The following NLK variants were observed in gnomAD, a reference collection of about 807,000 sequenced individuals.
NLK encodes the protein nemo like kinase, also known as serine/threonine-protein kinase NLK.
NLK carries 11 observed loss-of-function variants against 59.0 expected under a neutral mutation model. That is an observed-to-expected ratio of 0.19 (90% CI 0.12 to 0.31). The LOEUF is 0.31. Among genes scored for constraint, NLK ranks in the 10% least tolerant of loss-of-function variants. The pLI is 1.00. For missense variants in NLK, 410 were observed against 661.1 expected (o/e 0.62, Z 4.16); for synonymous variants, 235 against 235.9 (o/e 1.00, Z 0.03).
intron 1 of NLK, among the ~76,000 whole-genome samples, chr17:28,062,370 A>G (rs759564272): frequency 1.3e-5 from 2 of 152,152 alleles, no homozygotes; most frequent in African/African-American, 2.4e-5. Flanking sequence ...AACTTCATAT[A>G]ACACTTAGGA....
rs192613005 is a variant in NLK, at chr17:28,110,817, G to A, written c.459-11786G>A. ...TATTTTTCTTTAATTTGTTAAACAA[G>A]TCTCCTTTAATTCTTTTTTTTGTTT... On this transcript the variant is annotated intron_variant, in intron 1 of 10. Transcript: ENST00000407008. Among the ~76,000 whole-genome samples, 18 of 151,906 alleles carry A rather than the reference G, an allele frequency of 1.2e-4. No homozygotes were observed. The East Asian group carries it at 3.5e-3, about 29-fold the overall frequency.
At chr17:28,148,454 A>G (rs1907347853) in intron 3 of NLK, among the ~76,000 whole-genome samples, 1 of 152,234 alleles carries the variant, frequency 6.6e-6, no homozygotes, top group African/African-American at 2.4e-5. Context: ...TAATTTGACT[A>G]AAGAAGGGTA....
At position 28,042,913 on chromosome 17, in the gene NLK, G is replaced by A; in HGVS notation, c.40G>A (p.Ala14Thr). ...CGARANAKMMAAYNGGTSAAA... is the reference protein window; with the variant it reads ...CGARANAKMMTAYNGGTSAAA... ...CGCAAGAGCCAACGCAAAAATGATGGCGGCTTACAATGGCGGTACATCTGC... is the reference window on the plus strand; with the variant it reads ...CGCAAGAGCCAACGCAAAAATGATGACGGCTTACAATGGCGGTACATCTGC... Residue 14 changes from alanine to threonine, a missense_variant, in exon 1 of 11, where the codon GCG becomes ACG. Coordinates refer to ENST00000407008, the MANE Select transcript of NLK (RefSeq NM_016231.5). The A allele has an allele frequency of 6.5e-7, 1 of 1,535,722 alleles. No homozygotes were observed. The highest frequency in any genetic ancestry group is 8.8e-7 in the Non-Finnish European group (1 of 1,138,396).
At chr17:28,115,270 A>T (rs969236314) in intron 1 of NLK, among the ~76,000 whole-genome samples, 3 of 152,216 alleles carry the variant, frequency 2.0e-5, no homozygotes, top group African/African-American at 7.2e-5. Context: ...TCTCTACAAC[A>T]TTCTGTTGGC....
At chr17:28,198,239 T>A (rs1312198125), downstream of NLK, among the ~76,000 whole-genome samples, 1 of 151,994 alleles carries the variant, frequency 6.6e-6, no homozygotes, top group African/African-American at 2.4e-5. Flanking sequence ...GAGGCTCAAG[T>A]GAGCCTCCCA....
chr17:28,066,804 G>C lies in NLK; in HGVS notation c.458+23473G>C, dbSNP rs111528639. Among the ~76,000 whole-genome samples, 418 of 152,240 alleles carry C rather than the reference G, an allele frequency of 2.7e-3. 4 individuals are homozygous for C. Among genetic ancestry groups the C allele is most frequent in the African/African-American group, 9.3e-3 (386 of 41,546 alleles). On this transcript the variant is annotated intron_variant, in intron 1 of 10. Coordinates refer to ENST00000407008, the MANE Select transcript of NLK (RefSeq NM_016231.5). ...CTTCCTAATTTTAGCCATTTTAATAGGTATGTAATACTGTTTATAGTGGTT... is the reference window on the plus strand; with the variant it reads ...CTTCCTAATTTTAGCCATTTTAATACGTATGTAATACTGTTTATAGTGGTT...
intron 7 of NLK, among the ~76,000 whole-genome samples, chr17:28,176,012 C>T (rs1372943707): frequency 2.6e-5 from 4 of 152,068 alleles, no homozygotes; most frequent in East Asian, 3.9e-4. Context: ...AGGATCTTTA[C>T]GAAAATCCAT....
At chr17:28,188,064 G>A (rs961671438) in intron 8 of NLK, among the ~76,000 whole-genome samples, 47 of 152,116 alleles carry the variant, frequency 3.1e-4, no homozygotes, top group African/African-American at 8.5e-4. Flanking sequence ...TTAGCTGGGC[G>A]TGGTAGCACA....
intron 1 of NLK, among the ~76,000 whole-genome samples, chr17:28,115,257 C>T (rs945746001): frequency 5.3e-5 from 8 of 152,240 alleles, no homozygotes; most frequent in Non-Finnish European, 1.0e-4. Flanking sequence ...CCCTTGCAGT[C>T]TCTCTCTACA....
At chr17:28,162,486 A>C (rs1908048812) in intron 4 of NLK, among the ~76,000 whole-genome samples, 1 of 151,854 alleles carries the variant, frequency 6.6e-6, no homozygotes, top group Non-Finnish European at 1.5e-5. Flanking sequence ...AAAATACAAA[A>C]CTTAGCTGGG....
At chr17:28,141,984 A>T (rs934444966) in intron 3 of NLK, among the ~76,000 whole-genome samples, 1 of 152,210 alleles carries the variant, frequency 6.6e-6, no homozygotes, top group Non-Finnish European at 1.5e-5. Context: ...AAGATTAATC[A>T]CCAGTCTCTG....
downstream of NLK, among the ~76,000 whole-genome samples, chr17:28,197,706 A>G (rs891184764): frequency 2.0e-5 from 3 of 151,980 alleles, no homozygotes; most frequent in Admixed American, 2.0e-4. Flanking sequence ...TCTTACGATG[A>G]CTCATAAGGC....
chr17:28,112,549 G>A (rs1597688223), intron 1 of NLK, among the ~76,000 whole-genome samples: 2 of 152,246 alleles, frequency 1.3e-5, no homozygotes, highest in East Asian at 3.9e-4. Context: ...GTCCCAAAAT[G>A]GCTGTTTTTG....
intron 1 of NLK, among the ~76,000 whole-genome samples, chr17:28,099,094 A>G (rs1299486226): frequency 6.6e-6 from 1 of 152,096 alleles, no homozygotes; most frequent in Non-Finnish European, 1.5e-5. Context: ...GGTTTCGATA[A>G]TACAACGCCA....
intron 1 of NLK, among the ~76,000 whole-genome samples, chr17:28,043,886 C>T (rs35831071): frequency 0.01 from 1,579 of 152,246 alleles, 31 homozygotes; most frequent in African/African-American, 0.036. Flanking sequence ...AACCATAAAG[C>T]TACAGTTGAG....
In NLK at chr17:28,161,260, T is replaced by G; in HGVS notation, c.745T>G (p.Leu249Val). 6.3e-7 allele frequency: 1 copy of G among 1,593,288 alleles called. No homozygotes were observed. Among genetic ancestry groups the G allele is most frequent in the African/African-American group, 1.3e-5 (1 of 74,654 alleles). ...DHVKVFLYQILRGLKYLHSAG... is the reference protein window; with the variant it reads ...DHVKVFLYQIVRGLKYLHSAG... ...TGTCAAAGTTTTTCTTTATCAGATTTTGCGAGGTAAGATTTCTTTATGAAG... is the reference window on the plus strand; with the variant it reads ...TGTCAAAGTTTTTCTTTATCAGATTGTGCGAGGTAAGATTTCTTTATGAAG... The change falls in exon 4 of 11, where the codon TTG (leucine) becomes GTG (valine). Residue 249 changes from leucine (L) to valine (V), a missense_variant. Coordinates refer to ENST00000407008, the MANE Select transcript of NLK (RefSeq NM_016231.5).
At chr17:28,084,073 CTTGAG>C (rs2142769101) in intron 1 of NLK, among the ~76,000 whole-genome samples, 1 of 152,174 alleles carries the variant, frequency 6.6e-6, no homozygotes, top group East Asian at 1.9e-4. Flanking sequence ...CTAAGGCCCA[CTTGAG>C]TTAAGTATAG....
At chr17:28,203,938 T>A in the NLK span, among the ~76,000 whole-genome samples, 2 of 152,168 alleles carry the variant, frequency 1.3e-5, no homozygotes, top group African/African-American at 4.8e-5. Context: ...TTGCTTCAGC[T>A]CAGTGGAACG....
At chr17:28,139,455 A>C (rs1415812382) in intron 3 of NLK, among the ~76,000 whole-genome samples, 2 of 152,316 alleles carry the variant, frequency 1.3e-5, no homozygotes, top group South Asian at 2.1e-4. Context: ...GAAAGGAAAA[A>C]CCAAAGAAAG....
Sources: gnomAD v4.1 joint callset for allele counts (sites outside exome capture counted in the v4.1 genomes callset) on GRCh38, gnomAD v4.1.1 for gene constraint, MANE v1.5 for transcripts, NCBI Gene and HGNC (gene_info 2026-07-23, HGNC 2026-07-21) for gene names.